The following UBAP2 variants were observed in gnomAD, a reference collection of about 807,000 sequenced individuals.
UBAP2 encodes the protein ubiquitin-associated protein 2.
A neutral mutation model predicts 139.6 loss-of-function variants in UBAP2; 75 were observed. The observed-to-expected ratio is 0.54, with a 90% CI of 0.45 to 0.65. UBAP2 has a LOEUF of 0.65. UBAP2 is among the 30% of genes least tolerant of loss of function. The pLI, the probability that UBAP2 is intolerant of heterozygous loss-of-function variation, is 0.00. For synonymous variants in UBAP2, 526 were observed against 526.2 expected (o/e 1.00, Z 0.01); for missense variants, 1,368 against 1,369.6 (o/e 1.00, Z 0.02).
chr9:33,956,559 C>A (rs570561728), intron 10 of UBAP2, among the ~76,000 whole-genome samples: 1 of 151,950 alleles, frequency 6.6e-6, no homozygotes, highest in Non-Finnish European at 1.5e-5. Context: ...CAATTCCTGG[C>A]CTCAAGTGAT....
chr9:33,948,831 T>C (rs1825857072), intron 12 of UBAP2: 1 of 429,190 alleles, frequency 2.3e-6, no homozygotes, highest in African/African-American at 2.0e-5. Context: ...ATATTTGCCA[T>C]GAATTTGAAG....
At chr9:33,982,419 C>T (rs1820840266) in intron 6 of UBAP2, among the ~76,000 whole-genome samples, 1 of 152,030 alleles carries the variant, frequency 6.6e-6, no homozygotes, top group African/African-American at 2.4e-5. Flanking sequence ...GAACAAAAAC[C>T]AAAACAAATA....
At chr9:33,942,042 G>A (rs137976359) in intron 15 of UBAP2, among the ~76,000 whole-genome samples, 180 bp from the exon 16 acceptor site, 6 of 152,132 alleles carry the variant, frequency 3.9e-5, no homozygotes, top group Non-Finnish European at 8.8e-5. Flanking sequence ...GGCTGCGTGC[G>A]GTGGCTCACG....
At chr9:33,933,943 T>G (rs41314578) in intron 17 of UBAP2, 1 of 232,128 alleles carries the variant, frequency 4.3e-6, no homozygotes, top group African/African-American at 2.2e-5. Context: ...TGTAGATGCA[T>G]CCAGAAAGAA....
chr9:33,935,163 C>CTG (rs1310293296), intron 17 of UBAP2, among the ~76,000 whole-genome samples: 1 of 87,962 alleles, frequency 1.1e-5, no homozygotes, highest in Admixed American at 1.1e-4. Flanking sequence ...TTGGAAGTGG[C>CTG]GGGGGGGGGG....
Position 33,960,887 on chromosome 9 carries a change from AAAC to A in UBAP2, c.746-12_746-10del, listed in dbSNP as rs1367912084. On this transcript the variant is annotated splice_polypyrimidine_tract_variant and intron_variant, in intron 9 of 28. Coordinates refer to ENST00000379238, the MANE Select transcript of UBAP2 (RefSeq NM_001370062.2). The stretch of plus-strand genomic sequence containing the variant: ...AGAATTCTTCCAAGCCCCTGTTGGG[AAAC>A]AACAGCAATCAAAGTTTATACCACA... 6.2e-7 allele frequency: 1 copy of A among 1,613,920 alleles called. No individual in the cohort carries two copies.
intron 8 of UBAP2, among the ~76,000 whole-genome samples, chr9:33,968,678 AT>A (rs1827662790): frequency 6.6e-6 from 1 of 152,212 alleles, no homozygotes. Context: ...TAATTTCTAT[AT>A]TTTTATATAC....
At chr9:33,942,850 G>C (rs912753912) in intron 15 of UBAP2, among the ~76,000 whole-genome samples, 1 of 152,134 alleles carries the variant, frequency 6.6e-6, no homozygotes, top group African/African-American at 2.4e-5. Context: ...ATAGACTACT[G>C]GTAGGAATGT....
chr9:34,039,847 T>TTAA (rs1362655529), intron 1 of UBAP2, among the ~76,000 whole-genome samples: 2 of 84,422 alleles, frequency 2.4e-5, no homozygotes, highest in African/African-American at 8.7e-5. Context: ...CAATAAATAC[T>TTAA]AAAAAAAAAA....
chr9:34,013,152 C>CA (rs398010658), intron 2 of UBAP2, among the ~76,000 whole-genome samples: 19,189 of 77,670 alleles, frequency 0.25, 2,765 homozygotes, highest in African/African-American at 0.42. Flanking sequence ...GACTCTAGCT[C>CA]AAAAAAAAAA....
At chr9:33,999,675 G>T (rs1025400699) in intron 2 of UBAP2, among the ~76,000 whole-genome samples, 1 of 151,822 alleles carries the variant, frequency 6.6e-6, no homozygotes, top group Non-Finnish European at 1.5e-5. Context: ...GGGATTACAG[G>T]CCTGAGCCAC....
intron 2 of UBAP2, among the ~76,000 whole-genome samples, chr9:34,003,109 T>C (rs911519588): frequency 5.9e-5 from 9 of 151,944 alleles, no homozygotes; most frequent in Non-Finnish European, 1.2e-4. Context: ...TGCCTTGCAG[T>C]AGTGTGCTCT....
In UBAP2 at chr9:33,924,348, C is replaced by T. The variant is rs992326224; in HGVS notation, c.2512-64G>A. The T allele has an allele frequency of 7.9e-6, 12 of 1,513,296 alleles. No individual in the cohort carries two copies. The Admixed American group carries it at 1.0e-4, about 13-fold the overall frequency. The allele number at this position is 1,513,296 out of a possible 1,614,324, so 93.7% of individuals were successfully genotyped here. ...TGCTTGACTCCCAGGAGAGCAGAAC[C>T]AGCACATGGAAGTGGTGACGCCACA... On this transcript the variant is annotated intron_variant, in intron 22 of 28. Coordinates refer to ENST00000379238, the MANE Select transcript of UBAP2 (RefSeq NM_001370062.2).
At position 33,922,744 on chromosome 9, in the gene UBAP2, T is replaced by C. The variant is rs763075750; in HGVS notation, c.3207A>G (p.Pro1069=). 1.3e-6 allele frequency: 2 copies of C among 1,552,496 alleles called. No individual in the cohort carries two copies. Among genetic ancestry groups the C allele is most frequent in the African/African-American group, 1.4e-5 (1 of 73,116 alleles). ...GCTGTGAGTGGGGCTGCTGGTGGGC[T>C]GGCAAGATGTGTAGGAATGGTGGGG... ...YAPPPFLHIL[P]AHQQPHSQLL... The change falls in exon 28 of 29, where the codon CCA becomes CCG. Residue 1069 remains proline (P), a synonymous_variant. Transcript: ENST00000379238.
At chr9:33,968,990 T>G (rs917489283) in intron 8 of UBAP2, among the ~76,000 whole-genome samples, 1 of 152,246 alleles carries the variant, frequency 6.6e-6, no homozygotes, top group Non-Finnish European at 1.5e-5. Context: ...TCATCCATGT[T>G]GTAGCATGTA....
At chr9:33,979,099 G>A (rs538890880) in intron 6 of UBAP2, among the ~76,000 whole-genome samples, 1 of 152,230 alleles carries the variant, frequency 6.6e-6, no homozygotes, top group African/African-American at 2.4e-5. Flanking sequence ...GCTGGGCATT[G>A]TGATGTGCAC....
chr9:34,027,764 G>C (rs1825534667), intron 1 of UBAP2, among the ~76,000 whole-genome samples: 1 of 151,456 alleles, frequency 6.6e-6, no homozygotes. Flanking sequence ...AGGAGACTGA[G>C]GCAGGAGAAT....
chr9:33,938,550 A>G (rs1824798077), intron 16 of UBAP2, among the ~76,000 whole-genome samples: 1 of 152,196 alleles, frequency 6.6e-6, no homozygotes, highest in South Asian at 2.1e-4. Context: ...TAATCCCAGC[A>G]CTTTGGGAGG....
intron 24 of UBAP2, 144 bp from the exon 25 acceptor site, chr9:33,923,622 T>A: frequency 9.5e-7 from 1 of 1,056,854 alleles, no homozygotes; most frequent in South Asian, 1.4e-5. Flanking sequence ...ACATGCTGGA[T>A]CTAAACACAG....
Sources: gnomAD v4.1 joint callset for allele counts (sites outside exome capture counted in the v4.1 genomes callset) on GRCh38, gnomAD v4.1.1 for gene constraint, MANE v1.5 for transcripts, NCBI Gene and HGNC (gene_info 2026-07-23, HGNC 2026-07-21) for gene names.